GRM7: variants seen among roughly 807,000 people sequenced by gnomAD.
GRM7 encodes the protein glutamate metabotropic receptor 7.
A neutral mutation model predicts 84.5 loss-of-function variants in GRM7; 35 were observed. The ratio of observed to expected loss-of-function variants is 0.41; its 90% CI spans 0.32 to 0.55. The LOEUF (loss-of-function observed/expected upper bound fraction) is 0.55, where lower values mean the gene tolerates loss of function less well. Ranked by LOEUF, GRM7 falls within the 20% of genes least tolerant of loss-of-function variation. The pLI is 0.19. For synonymous variants in GRM7, 487 were observed against 455.1 expected, an observed-to-expected ratio of 1.07 and a Z score of -0.89; for missense variants, 1,003 against 1,194.6, an observed-to-expected ratio of 0.84 and a Z score of 2.36.
chr3:7,693,625 T>A, intron 9 of GRM7: 1 of 1,512,384 alleles, frequency 6.6e-7, no homozygotes, highest in South Asian at 1.2e-5. Context: ...GCTGTTGTTT[T>A]TATTCAGGTG....
chr3:7,346,092 C>G (rs565261235), intron 4 of GRM7, among the ~76,000 whole-genome samples: 65 of 152,076 alleles, frequency 4.3e-4, no homozygotes, highest in Middle Eastern at 3.4e-3. Flanking sequence ...GTGGTAAATA[C>G]TCTTATTGTG....
At chr3:7,248,040 C>T (rs1027911195) in intron 2 of GRM7, among the ~76,000 whole-genome samples, 6 of 152,072 alleles carry the variant, frequency 3.9e-5, no homozygotes, top group Non-Finnish European at 5.9e-5. Flanking sequence ...TATGGTGCAG[C>T]CATTTTAGAA....
At chr3:7,552,749 C>T (rs1196196825) in intron 7 of GRM7, among the ~76,000 whole-genome samples, 7 of 152,188 alleles carry the variant, frequency 4.6e-5, no homozygotes, top group Admixed American at 3.3e-4. Context: ...TGCAAAGCAG[C>T]GAGGCCCGGG....
chr3:7,325,177 T>A (rs1546235), intron 4 of GRM7, among the ~76,000 whole-genome samples: 63,833 of 151,948 alleles, frequency 0.42, 13,453 homozygotes, highest in Middle Eastern at 0.5. Context: ...TTTCAGGGGA[T>A]TCTGGGTATT....
intron 7 of GRM7, among the ~76,000 whole-genome samples, chr3:7,550,575 CTCTGTGTGTG>C (rs1176914859): frequency 1.1e-3 from 43 of 40,642 alleles, no homozygotes; most frequent in Admixed American, 1.8e-3. Flanking sequence ...CTCTCTCTCT[CTCTGTGTGTG>C]TGTGTGTGTG....
rs117775753 is a variant in GRM7, at chr3:7,287,905, C to G, written c.737-10779C>G. The stretch of plus-strand genomic sequence containing the variant: ...CTGAAAAATAGCACAATTCTTAAAG[C>G]TCAATTTATCATTTAGCATGCAGAG... On this transcript the variant is annotated intron_variant, in intron 2 of 9. Transcript: ENST00000357716. 5.8e-4 allele frequency among the ~76,000 whole-genome samples: 88 copies of G among 152,152 alleles called. No homozygotes were observed. In the East Asian group the frequency reaches 0.016, roughly 28 times the overall value.
At chr3:6,865,625 T>G (rs1694913340) in intron 1 of GRM7, among the ~76,000 whole-genome samples, 1 of 151,902 alleles carries the variant, frequency 6.6e-6, no homozygotes, top group Admixed American at 6.6e-5. Flanking sequence ...ATAATGCAAA[T>G]CTAAGTCTGT....
At chr3:7,091,140 A>G (rs978539375) in intron 1 of GRM7, among the ~76,000 whole-genome samples, 1 of 152,000 alleles carries the variant, frequency 6.6e-6, no homozygotes, top group Non-Finnish European at 1.5e-5. Flanking sequence ...TTAGCTCTGC[A>G]GAAGAATAGA....
chr3:7,579,074 T>A lies in GRM7; in HGVS notation c.2168T>A (p.Val723Asp), dbSNP rs1367528826. The A allele has an allele frequency of 1.2e-6, 2 of 1,614,104 alleles. No homozygotes were observed. The highest frequency in any genetic ancestry group is 1.7e-6 in the Non-Finnish European group (2 of 1,179,970). ...QLLGVFIWFG[V>D]DPPNIIIDYD... ...CTAGGGGTGTTCATTTGGTTTGGTG[T>A]TGATCCACCCAACATCATCATAGAC... The change falls in exon 8 of 10, where the codon GTT (valine) becomes GAT (aspartate). Residue 723 changes from valine (V) to aspartate (D), a missense_variant. Physicochemically the swap from Val to Asp is radical, Grantham distance 152. Transcript: ENST00000357716.
intron 8 of GRM7, among the ~76,000 whole-genome samples, chr3:7,662,268 A>C (rs1403126556): frequency 3.9e-5 from 6 of 152,206 alleles, no homozygotes; most frequent in Non-Finnish European, 1.5e-5. Flanking sequence ...AAATACAAAG[A>C]GGAATAAGGA....
At chr3:7,258,508 TA>T (rs1301698374) in intron 2 of GRM7, among the ~76,000 whole-genome samples, 1 of 152,218 alleles carries the variant, frequency 6.6e-6, no homozygotes, top group Non-Finnish European at 1.5e-5. Flanking sequence ...CACATCCGTC[TA>T]AAAGTAGTAG....
chr3:7,626,635 C>T (rs1036317405), intron 8 of GRM7, among the ~76,000 whole-genome samples: 2 of 152,258 alleles, frequency 1.3e-5, no homozygotes, highest in African/African-American at 4.8e-5. Context: ...CATCTGCCAT[C>T]GCATAGTGGT....
At chr3:7,019,321 C>T (rs986940229) in intron 1 of GRM7, among the ~76,000 whole-genome samples, 2 of 152,054 alleles carry the variant, frequency 1.3e-5, no homozygotes, top group South Asian at 2.1e-4. Context: ...CAATACTTTA[C>T]GTTAGGGTTC....
chr3:6,987,011 T>C (rs1694437254), intron 1 of GRM7, among the ~76,000 whole-genome samples: 1 of 152,250 alleles, frequency 6.6e-6, no homozygotes, highest in African/African-American at 2.4e-5. Flanking sequence ...ACTCAGTTAA[T>C]TCACACTATT....
rs192310364 is a variant in GRM7 at position 7,168,244 on chromosome 3, T to C, written c.736+21576T>C. On this transcript the variant is annotated intron_variant, in intron 2 of 9. Coordinates refer to ENST00000357716, the MANE Select transcript of GRM7 (RefSeq NM_000844.4). ...AAATGTGCAATTATGTTTCAACTAT[T>C]GTTTCAGTGATTGTAAATATAATTC... 1.9e-3 allele frequency among the ~76,000 whole-genome samples: 292 copies of C among 152,284 alleles called. 1 individual carries two copies. Among genetic ancestry groups the C allele is most frequent in the Non-Finnish European group, 2.8e-3 (193 of 68,032 alleles).
At chr3:7,580,589 G>T (rs1428571962) in intron 8 of GRM7, among the ~76,000 whole-genome samples, 1 of 152,094 alleles carries the variant, frequency 6.6e-6, no homozygotes, top group African/African-American at 2.4e-5. Context: ...TACCTAAATT[G>T]TGTAATTCAG....
chr3:6,957,185 A>G (rs1168227990), intron 1 of GRM7, among the ~76,000 whole-genome samples: 1 of 152,190 alleles, frequency 6.6e-6, no homozygotes, highest in Non-Finnish European at 1.5e-5. Context: ...AAAATTTTCC[A>G]TAAAGATTCA....
At chr3:7,554,746 T>G (rs1343364166) in intron 7 of GRM7, among the ~76,000 whole-genome samples, 1 of 152,192 alleles carries the variant, frequency 6.6e-6, no homozygotes, top group African/African-American at 2.4e-5. Context: ...TTTGAGGGCC[T>G]CCTCCCTTCT....
At chr3:6,996,825 T>A (rs1646367984) in intron 1 of GRM7, among the ~76,000 whole-genome samples, 1 of 152,174 alleles carries the variant, frequency 6.6e-6, no homozygotes, top group Admixed American at 6.5e-5. Context: ...AGGGTCTTAC[T>A]CACCAGAATC....
Sources: gnomAD v4.1 joint callset for allele counts (sites outside exome capture counted in the v4.1 genomes callset) on GRCh38, gnomAD v4.1.1 for gene constraint, MANE v1.5 for transcripts, NCBI Gene and HGNC (gene_info 2026-07-23, HGNC 2026-07-21) for gene names.